Variants in PDXDC1 observed in about 807,000 individuals in gnomAD.
PDXDC1 encodes the protein pyridoxal-dependent decarboxylase domain-containing protein 1.
In PDXDC1, 42 loss-of-function variants were observed where a neutral mutation model predicts 100.1. That is an observed-to-expected ratio of 0.42 (90% CI 0.33 to 0.54). PDXDC1 has a LOEUF of 0.54. Ranked by LOEUF, PDXDC1 falls within the 20% of genes least tolerant of loss-of-function variation. The pLI is 0.10. For synonymous variants in PDXDC1, 260 were observed against 371.7 expected (o/e 0.70, Z 3.46); for missense variants, 636 against 979.2 (o/e 0.65, Z 4.68).
At chr16:15,130,568 T>G (rs576715294) in intron 16 of PDXDC1, 26 of 1,381,994 alleles carry the variant, frequency 1.9e-5, no homozygotes, top group Admixed American at 3.4e-5. Flanking sequence ...CCACAGGGCC[T>G]GTAACCCGGG....
At chr16:15,093,638 A>T (rs950632800) in intron 16 of PDXDC1, among the ~76,000 whole-genome samples, 1 of 152,252 alleles carries the variant, frequency 6.6e-6, no homozygotes, top group Admixed American at 6.5e-5. Flanking sequence ...AAAACATAGC[A>T]TCCTAATGAC....
intron 16 of PDXDC1, among the ~76,000 whole-genome samples, chr16:15,057,256 TCTC>T (rs1400536883): frequency 6.6e-6 from 1 of 152,180 alleles, no homozygotes; most frequent in Non-Finnish European, 1.5e-5. Context: ...TTACCCAACT[TCTC>T]ACCCAAAATA....
At chr16:15,066,248 C>A (rs1418033008) in intron 16 of PDXDC1, among the ~76,000 whole-genome samples, 1 of 152,168 alleles carries the variant, frequency 6.6e-6, no homozygotes, top group Admixed American at 6.5e-5. Flanking sequence ...TGAAGATCTG[C>A]ATCTCCTACA....
rs2043455130 is a variant in PDXDC1 at position 15,036,372 on chromosome 16, CTGT to C, written c.*102_*104del. 8.3e-7 allele frequency: 1 copy of C among 1,211,730 alleles called. No homozygotes were observed. The highest frequency in any genetic ancestry group is 1.2e-6 in the Non-Finnish European group (1 of 857,306). 75.1% of individuals were successfully genotyped at this position (1,211,730 alleles called of 1,614,324 possible). A position where few individuals can be genotyped will look rare whatever the true frequency, so the allele number is the denominator to read the frequency against. On this transcript the variant is annotated 3_prime_UTR_variant, in exon 23 of 23. Coordinates refer to ENST00000396410, the MANE Select transcript of PDXDC1 (RefSeq NM_015027.4). ...CTGTGCCACATACTAATATAAATTA[CTGT>C]TGTTTGTGCTTCACTGGGATTTTGG... is the stretch of plus-strand genomic sequence containing the variant.
intron 1 of PDXDC1, among the ~76,000 whole-genome samples, chr16:14,979,748 TCACCTTGCTGTTATG>T (rs1191983492): frequency 2.6e-5 from 4 of 152,296 alleles, no homozygotes; most frequent in Non-Finnish European, 5.9e-5. Context: ...AAATTCTTTG[TCACCTTGCTGTTATG>T]CTAGAGGTTT....
At chr16:15,152,131 A>C in the PDXDC1 span, among the ~76,000 whole-genome samples, 10 of 141,504 alleles carry the variant, frequency 7.1e-5, no homozygotes, top group South Asian at 2.3e-4. Context: ...CGGCAGCATC[A>C]TTAACCCAAG....
At chr16:15,125,503 G>A (rs2047661141) in intron 16 of PDXDC1, 19 of 1,398,684 alleles carry the variant, frequency 1.4e-5, no homozygotes, top group Non-Finnish European at 1.9e-5. Flanking sequence ...CGGTACTCCA[G>A]ACACAGTGAC....
At chr16:15,007,157 CTTTTTTTTTTTTTT>C (rs56256230) in intron 6 of PDXDC1, among the ~76,000 whole-genome samples, 13 of 73,954 alleles carry the variant, frequency 1.8e-4, no homozygotes, top group South Asian at 6.6e-4. Flanking sequence ...AAGAGCATGA[CTTTTTTTTTTTTTT>C]TTTTTTTTTT....
chr16:15,000,483 G>A (rs1470828700), intron 3 of PDXDC1, among the ~76,000 whole-genome samples: 2 of 152,278 alleles, frequency 1.3e-5, no homozygotes, highest in Admixed American at 1.3e-4. Flanking sequence ...AGCACCTTGG[G>A]GACAATTGGT....
At chr16:15,128,472 C>T (rs1381330691) in intron 16 of PDXDC1, 6 of 777,590 alleles carry the variant, frequency 7.7e-6, no homozygotes, top group Admixed American at 2.0e-5. Context: ...TCAGCTTTGG[C>T]CTCCGCGCAC....
the PDXDC1 span, among the ~76,000 whole-genome samples, chr16:15,144,460 G>A: frequency 6.6e-6 from 1 of 152,170 alleles, no homozygotes; most frequent in Non-Finnish European, 1.5e-5. Flanking sequence ...GGGAGGGCCA[G>A]GGAGGCCGGC....
intron 16 of PDXDC1, among the ~76,000 whole-genome samples, chr16:15,089,196 T>A (rs1028872071): frequency 1.3e-5 from 2 of 151,032 alleles, no homozygotes; most frequent in Non-Finnish European, 3.0e-5. Context: ...GAGGCTGAGG[T>A]GGGAGGATGG....
intron 16 of PDXDC1, chr16:15,130,124 G>C (rs1372819434): frequency 9.8e-6 from 13 of 1,331,752 alleles, no homozygotes; most frequent in Non-Finnish European, 1.3e-5. Context: ...TGCAAGCTGT[G>C]CCTTCTCAGG....
intron 16 of PDXDC1, chr16:15,092,567 G>T (rs755295013): frequency 6.2e-7 from 1 of 1,613,446 alleles, no homozygotes; most frequent in South Asian, 1.1e-5. Flanking sequence ...AGTTTTTCTT[G>T]GGGGAGAATT....
intron 16 of PDXDC1, among the ~76,000 whole-genome samples, chr16:15,059,179 G>A (rs927495157): frequency 6.6e-6 from 1 of 152,192 alleles, no homozygotes; most frequent in African/African-American, 2.4e-5. Flanking sequence ...CAAAGGTTGA[G>A]TTGGTGTGTG....
chr16:15,028,067 G>T (rs552268801), intron 14 of PDXDC1, among the ~76,000 whole-genome samples: 1 of 152,384 alleles, frequency 6.6e-6, no homozygotes, highest in African/African-American at 2.4e-5. Flanking sequence ...CATTTCGGTC[G>T]AACAAAGGCC....
At chr16:14,998,588 A>G (rs1368384289) in intron 3 of PDXDC1, among the ~76,000 whole-genome samples, 183 bp downstream of exon 3, 2 of 152,278 alleles carry the variant, frequency 1.3e-5, no homozygotes, top group Non-Finnish European at 2.9e-5. Flanking sequence ...AGCTGGGATT[A>G]CAGGCGTGCA....
rs1447100297 is a variant in PDXDC1, at chr16:15,132,916, A to C, written c.1400-5963A>C. 6 of 1,587,334 alleles carry C rather than the reference A, an allele frequency of 3.8e-6. No individual in the cohort carries two copies. In the Admixed American group the frequency reaches 1.0e-4, roughly 26 times the overall value. On this transcript the variant is annotated intron_variant, in intron 16 of 16. Transcript: ENST00000535621. ...CACAGCAAGCTGTCAGCAGGGCAGG[A>C]GACCGGCAGGAGGCCAGCAGATGCC...
In PDXDC1 at chr16:15,034,490, G is replaced by C; in HGVS notation, c.1939G>C (p.Val647Leu). 1 of 1,614,142 alleles carries C rather than the reference G, an allele frequency of 6.2e-7. No homozygotes were observed. The highest frequency in any genetic ancestry group is 8.5e-7 in the Non-Finnish European group (1 of 1,180,034). Residue 647 changes from valine to leucine, a missense_variant, in exon 21 of 23, where the codon GTG becomes CTG. This residue lies in a region of PDXDC1 where 452 missense variants were observed against 402.9 expected (regional missense o/e 1.12). Coordinates refer to ENST00000396410, the MANE Select transcript of PDXDC1 (RefSeq NM_015027.4). The part of the protein sequence containing the change: ...VLRQIPVVGS[V>L]LNWFSPVQAL... ...GCGGCAGATCCCTGTAGTGGGCTCC[G>C]TGCTGAATTGGTTTTCTCCGGTCCA...
Sources: allele counts gnomAD v4.1 joint callset (sites outside exome capture counted in the v4.1 genomes callset), GRCh38; gene constraint gnomAD v4.1.1; regional missense constraint gnomAD v4.1.1; transcripts MANE v1.5; gene names NCBI Gene and HGNC (gene_info 2026-07-23, HGNC 2026-07-21).